PRKG1: variants seen among roughly 807,000 people sequenced by gnomAD.
PRKG1 encodes cGMP-dependent protein kinase 1.
A neutral mutation model predicts 88.1 loss-of-function variants in PRKG1; 35 were observed. That is an observed-to-expected ratio of 0.40 (90% confidence interval 0.30 to 0.53). PRKG1 has a LOEUF of 0.53. Ranked by LOEUF, PRKG1 falls within the 20% of genes least tolerant of loss-of-function variation. The pLI, the probability that PRKG1 is intolerant of heterozygous loss-of-function variation, is 0.59. For synonymous variants in PRKG1, 303 were observed against 292.5 expected (o/e 1.04, Z -0.37); for missense variants, 540 against 839.8 (o/e 0.64, Z 4.41).
chr10:51,760,472 G>GT (rs761249668), intron 3 of PRKG1, among the ~76,000 whole-genome samples: 9,910 of 109,936 alleles, frequency 0.09, 428 homozygotes, highest in Non-Finnish European at 0.12. Context: ...TTGACTTTTC[G>GT]TTTTTTTTTT....
intron 2 of PRKG1, among the ~76,000 whole-genome samples, chr10:51,299,324 G>T (rs1305545758): frequency 6.6e-6 from 1 of 152,040 alleles, no homozygotes; most frequent in African/African-American, 2.4e-5. Flanking sequence ...TCCTTCCTCA[G>T]CCTCCTGAAT....
intron 2 of PRKG1, among the ~76,000 whole-genome samples, chr10:51,384,608 C>T (rs1034587426): frequency 1.3e-5 from 2 of 152,158 alleles, no homozygotes; most frequent in African/African-American, 4.8e-5. Flanking sequence ...CACTTGCTCC[C>T]TGTCACCCAG....
intron 2 of PRKG1, among the ~76,000 whole-genome samples, chr10:51,185,664 T>A (rs1254719915): frequency 6.6e-6 from 1 of 151,958 alleles, no homozygotes; most frequent in Non-Finnish European, 1.5e-5. Context: ...TTCATGATGT[T>A]CAAATATATT....
intron 4 of PRKG1, among the ~76,000 whole-genome samples, chr10:51,857,101 TTAGCCTTTTCACATGTCATCTTTAATTAA>T (rs1250738692): frequency 6.6e-6 from 1 of 152,216 alleles, no homozygotes; most frequent in Non-Finnish European, 1.5e-5. Flanking sequence ...ATGATACAGT[TTAGCCTTTTCACATGTCATCTTTAATTAA>T]TTTTCACATT....
intron 4 of PRKG1, among the ~76,000 whole-genome samples, chr10:51,816,537 A>ATGTGTGTGTGTG (rs35430934): frequency 2.1e-4 from 31 of 146,038 alleles, no homozygotes; most frequent in African/African-American, 7.0e-4. Context: ...TAATTTTGGC[A>ATGTGTGTGTGTG]TGTGTGTGTG....
At chr10:51,076,635 C>T (rs1843960016) in intron 1 of PRKG1, among the ~76,000 whole-genome samples, 1 of 152,146 alleles carries the variant, frequency 6.6e-6, no homozygotes, top group Non-Finnish European at 1.5e-5. Context: ...TTACACATTC[C>T]ATCAGAGATT....
At chr10:52,116,833 CT>C (rs1847698072) in intron 7 of PRKG1, among the ~76,000 whole-genome samples, 1 of 151,814 alleles carries the variant, frequency 6.6e-6, no homozygotes, top group African/African-American at 2.4e-5. Flanking sequence ...CATTATTTTC[CT>C]CATTTTTTTT....
intron 3 of PRKG1, among the ~76,000 whole-genome samples, chr10:51,732,052 T>C (rs1458269432): frequency 7.5e-6 from 1 of 134,212 alleles, no homozygotes; most frequent in East Asian, 2.6e-4. Flanking sequence ...CCTTCCTTCC[T>C]TCCCTCCTTC....
At chr10:52,011,457 C>T (rs1366415326) in intron 5 of PRKG1, among the ~76,000 whole-genome samples, 1 of 152,148 alleles carries the variant, frequency 6.6e-6, no homozygotes, top group East Asian at 1.9e-4. Context: ...AAAATAACTT[C>T]CTTTCTCCCC....
chr10:51,621,396 T>C (rs1442728549), intron 3 of PRKG1, among the ~76,000 whole-genome samples: 1 of 152,138 alleles, frequency 6.6e-6, no homozygotes, highest in African/African-American at 2.4e-5. Flanking sequence ...ATTTTTTAAA[T>C]GTCTCTTTTT....
At chr10:51,710,869 C>T (rs1369523042) in intron 3 of PRKG1, among the ~76,000 whole-genome samples, 1 of 151,914 alleles carries the variant, frequency 6.6e-6, no homozygotes, top group Non-Finnish European at 1.5e-5. Flanking sequence ...TTTAATTTTC[C>T]TTTTTGTTAA....
At chr10:52,163,909 T>C (rs1838352887) in intron 9 of PRKG1, among the ~76,000 whole-genome samples, 1 of 152,188 alleles carries the variant, frequency 6.6e-6, no homozygotes, top group African/African-American at 2.4e-5. Context: ...CCAGAAGTCT[T>C]GGGTTCTGCT....
chr10:51,484,574 G>A (rs1840474014), intron 3 of PRKG1, among the ~76,000 whole-genome samples: 2 of 151,918 alleles, frequency 1.3e-5, no homozygotes, highest in African/African-American at 4.8e-5. Flanking sequence ...GCAGCGCCTG[G>A]CCCCCACATT....
intron 7 of PRKG1, among the ~76,000 whole-genome samples, chr10:52,085,869 A>G (rs1018640118): frequency 6.6e-6 from 1 of 151,928 alleles, no homozygotes; most frequent in African/African-American, 2.4e-5. Flanking sequence ...TCAGTCCTAT[A>G]TTAAATGTAA....
chr10:51,308,362 A>T (rs960102404), intron 2 of PRKG1, among the ~76,000 whole-genome samples: 1 of 152,064 alleles, frequency 6.6e-6, no homozygotes, highest in Non-Finnish European at 1.5e-5. Context: ...ACTTCTTTAT[A>T]TTTCAGTTTC....
At chr10:51,832,511 T>C (rs1461223956) in intron 4 of PRKG1, among the ~76,000 whole-genome samples, 2 of 152,222 alleles carry the variant, frequency 1.3e-5, no homozygotes, top group African/African-American at 4.8e-5. Flanking sequence ...GTCTTTTTCT[T>C]ATTTTTTCAA....
chr10:51,787,045 T>G (rs975336147), intron 3 of PRKG1, among the ~76,000 whole-genome samples: 1 of 152,186 alleles, frequency 6.6e-6, no homozygotes, highest in African/African-American at 2.4e-5. Flanking sequence ...GTTAAAATTA[T>G]GTGATATGAA....
intron 2 of PRKG1, among the ~76,000 whole-genome samples, chr10:51,176,949 G>T (rs370168637): frequency 6.6e-6 from 1 of 151,948 alleles, no homozygotes; most frequent in East Asian, 1.9e-4. Context: ...GCAAAAGTTC[G>T]TGGTAAATGT....
chr10:52,012,109 C>T (rs1210227057), intron 5 of PRKG1, among the ~76,000 whole-genome samples: 1 of 152,094 alleles, frequency 6.6e-6, no homozygotes, highest in Non-Finnish European at 1.5e-5. Context: ...ACTGTGCTCC[C>T]CATTTTATGA....
Sources: allele counts gnomAD v4.1 joint callset (sites outside exome capture counted in the v4.1 genomes callset), GRCh38; gene constraint gnomAD v4.1.1; transcripts MANE v1.5; gene names NCBI Gene and HGNC (gene_info 2026-07-23, HGNC 2026-07-21).